L3MBTL3: variants seen among roughly 807,000 people sequenced by gnomAD.
L3MBTL3 encodes the protein L3MBTL histone methyl-lysine binding protein 3.
A neutral mutation model predicts 102.3 loss-of-function variants in L3MBTL3; 27 were observed. The ratio of observed to expected loss-of-function variants is 0.26; its 90% confidence interval spans 0.19 to 0.36. L3MBTL3 has a LOEUF of 0.36. Ranked by LOEUF, L3MBTL3 falls within the 10% of genes least tolerant of loss-of-function variation. L3MBTL3 has a pLI of 1.00. For synonymous variants in L3MBTL3, 340 were observed against 320.9 expected, an observed-to-expected ratio of 1.06 and a Z score of -0.64; for missense variants, 798 against 955.3, an observed-to-expected ratio of 0.84 and a Z score of 2.17.
intron 20 of L3MBTL3, among the ~76,000 whole-genome samples, chr6:130,132,394 G>T (rs536549476): frequency 6.6e-6 from 1 of 152,160 alleles, no homozygotes; most frequent in Non-Finnish European, 1.5e-5. Context: ...TTCAGTCAGG[G>T]TGTTGGTTAC....
chr6:130,137,349 G>GA (rs1435363018), intron 22 of L3MBTL3, among the ~76,000 whole-genome samples: 1 of 151,618 alleles, frequency 6.6e-6, no homozygotes, highest in Non-Finnish European at 1.5e-5. Flanking sequence ...GAAGCTAACC[G>GA]AAAAAAAAGT....
chr6:130,091,580 A>G (rs1253921907), intron 16 of L3MBTL3, among the ~76,000 whole-genome samples: 1 of 152,148 alleles, frequency 6.6e-6, no homozygotes, highest in Admixed American at 6.6e-5. Context: ...ATCTTTTCAC[A>G]CTAGCTAAGA....
chr6:130,041,974 C>T (rs941483751), intron 2 of L3MBTL3, among the ~76,000 whole-genome samples: 2 of 152,152 alleles, frequency 1.3e-5, no homozygotes, highest in African/African-American at 4.8e-5. Flanking sequence ...AGATAAAACA[C>T]ATCATGAATT....
chr6:130,051,904 G>A (rs1354925280), intron 6 of L3MBTL3, among the ~76,000 whole-genome samples: 7 of 152,132 alleles, frequency 4.6e-5, no homozygotes, highest in Non-Finnish European at 1.0e-4. Flanking sequence ...TGTGGACTGA[G>A]GATTATGAGA....
intron 3 of L3MBTL3, among the ~76,000 whole-genome samples, chr6:130,048,949 C>CAA (rs1780899421): frequency 7.3e-6 from 1 of 136,760 alleles, no homozygotes; most frequent in Admixed American, 8.0e-5. Context: ...AAAACACACA[C>CAA]ACACACACAC....
chr6:130,133,757 T>C lies in L3MBTL3; in HGVS notation c.2137-86T>C, dbSNP rs1233044340. 1 of 1,451,508 alleles carries C rather than the reference T, an allele frequency of 6.9e-7. No homozygotes were observed. The highest frequency in any genetic ancestry group is 9.6e-7 in the Non-Finnish European group (1 of 1,039,906). The allele number at this position is 1,451,508 out of a possible 1,614,324, so 89.9% of individuals were successfully genotyped here. A position where few individuals can be genotyped will look rare whatever the true frequency, so the allele number is the denominator to read the frequency against. On this transcript the variant is annotated intron_variant, in intron 21 of 22. Transcript: ENST00000361794. The surrounding 1 kb of genome is among the most constrained non-coding windows in gnomAD (Gnocchi z 4.9). ...AAATTATTGTGAGAGAAATAACTAA[T>C]GCATATGGGTTAAATGTTTTGAACC...
At chr6:130,115,581 CTAA>C (rs1195856341) in intron 19 of L3MBTL3, among the ~76,000 whole-genome samples, 1 of 152,266 alleles carries the variant, frequency 6.6e-6, no homozygotes, top group Admixed American at 6.5e-5. Context: ...ATTTACCATT[CTAA>C]TGTCTGTTTT....
chr6:130,025,412 G>A (rs796419292), intron 2 of L3MBTL3, among the ~76,000 whole-genome samples: 32 of 152,288 alleles, frequency 2.1e-4, no homozygotes, highest in African/African-American at 7.5e-4. Context: ...ATGATGAACG[G>A]ATTTGTATTG....
chr6:130,049,604 T>C, intron 4 of L3MBTL3, 152 bp from the exon 5 acceptor site: 1 of 849,476 alleles, frequency 1.2e-6, no homozygotes, highest in Non-Finnish European at 1.9e-6. Flanking sequence ...ATGCCAGATC[T>C]GTAGTAGCAC....
intron 1 of L3MBTL3, among the ~76,000 whole-genome samples, chr6:130,019,839 G>T (rs1021362262): frequency 3.4e-5 from 5 of 146,624 alleles, no homozygotes; most frequent in African/African-American, 1.2e-4. Flanking sequence ...GGCGGCGCGG[G>T]CCCGCGGCGG....
At chr6:130,048,445 C>T (rs538584582) in intron 3 of L3MBTL3, among the ~76,000 whole-genome samples, 8 of 152,242 alleles carry the variant, frequency 5.3e-5, no homozygotes, top group East Asian at 3.9e-4. Context: ...GGTCTCCACA[C>T]GTAGGTAAGC....
chr6:130,089,839 C>CAAAA (rs35333288), intron 16 of L3MBTL3, among the ~76,000 whole-genome samples: 6 of 146,296 alleles, frequency 4.1e-5, no homozygotes, highest in African/African-American at 1.3e-4. Flanking sequence ...TTTTTCACAG[C>CAAAA]AAAAAAAAAA....
At chr6:130,115,149 T>G (rs1785581638) in intron 19 of L3MBTL3, among the ~76,000 whole-genome samples, 1 of 152,162 alleles carries the variant, frequency 6.6e-6, no homozygotes, top group Non-Finnish European at 1.5e-5. Context: ...CGCTTGTTAC[T>G]GGGGAAGTAC....
In L3MBTL3 at chr6:130,117,863, C is replaced by CTTT. The variant is rs56787867; in HGVS notation, c.1887-2990_1887-2988dup. 8.1e-4 allele frequency among the ~76,000 whole-genome samples: 43 copies of CTTT among 53,054 alleles called. 4 individuals carry two copies. The highest frequency in any genetic ancestry group is 1.4e-3 in the Admixed American group (5 of 3,450). The allele number at this position is 53,054 out of a possible 152,430, so 34.8% of individuals were successfully genotyped here. On this transcript the variant is annotated intron_variant, in intron 19 of 22. Coordinates refer to ENST00000361794, the MANE Select transcript of L3MBTL3 (RefSeq NM_032438.4). ...TACAGGCGCATGCCAGCACGCCTGA[C>CTTT]TTTTTTTTTTTTTTTTTTTTTTTTT...
intron 2 of L3MBTL3, among the ~76,000 whole-genome samples, chr6:130,031,846 A>G (rs1779742322): frequency 6.6e-6 from 1 of 152,002 alleles, no homozygotes; most frequent in Non-Finnish European, 1.5e-5. Context: ...AAATATTACT[A>G]TTATAGTAAT....
intron 9 of L3MBTL3, 111 bp downstream of exon 9, chr6:130,057,608 TAC>T: frequency 1.1e-6 from 1 of 900,952 alleles, no homozygotes; most frequent in Non-Finnish European, 1.7e-6. Flanking sequence ...TTTCTCAGCA[TAC>T]AGTTTTCATG....
intron 16 of L3MBTL3, among the ~76,000 whole-genome samples, chr6:130,089,115 G>A (rs1438312271): frequency 1.3e-5 from 2 of 151,630 alleles, no homozygotes; most frequent in African/African-American, 2.4e-5. Context: ...TGTGTACAAC[G>A]TGCAGGTTTG....
intron 14 of L3MBTL3, among the ~76,000 whole-genome samples, chr6:130,081,103 A>G (rs1349861628): frequency 6.6e-6 from 1 of 152,160 alleles, no homozygotes; most frequent in Non-Finnish European, 1.5e-5. Context: ...GCCTCTCTTT[A>G]TTGTTCTTTT....
intron 18 of L3MBTL3, among the ~76,000 whole-genome samples, chr6:130,095,726 C>T (rs886762412): frequency 6.6e-6 from 1 of 152,128 alleles, no homozygotes; most frequent in Non-Finnish European, 1.5e-5. Context: ...ATCCAGGGGC[C>T]AGCATATGGC....
Sources: gnomAD v4.1 joint callset for allele counts (sites outside exome capture counted in the v4.1 genomes callset) on GRCh38, gnomAD v4.1.1 for gene constraint, Gnocchi (gnomAD v3.1) non-coding constraint, MANE v1.5 for transcripts, NCBI Gene and HGNC (gene_info 2026-07-23, HGNC 2026-07-21) for gene names.